Variants in NECTIN1 observed in about 807,000 individuals in gnomAD.
NECTIN1 encodes nectin-1.
Under a neutral mutation model 48.0 loss-of-function variants are expected in NECTIN1, and 23 were observed. The ratio of observed to expected loss-of-function variants is 0.48; its 90% confidence interval spans 0.34 to 0.68. The LOEUF is 0.68. Ranked by LOEUF, NECTIN1 falls within the 30% of genes least tolerant of loss-of-function variation. The probability of loss-of-function intolerance (pLI) is 0.01; values close to 1 mark genes in which losing one functional copy is unlikely to be tolerated. For synonymous variants in NECTIN1, 270 were observed against 288.9 expected, an observed-to-expected ratio of 0.93 and a Z score of 0.66; for missense variants, 591 against 709.9, an observed-to-expected ratio of 0.83 and a Z score of 1.90.
At chr11:119,641,036 A>ACTCC (rs1864316137) in intron 5 of NECTIN1, 1 of 150,604 alleles carries the variant, frequency 6.6e-6, no homozygotes, top group Non-Finnish European at 1.5e-5. Flanking sequence ...TTACTCACTC[A>ACTCC]CTCCCTCCTC....
Position 119,665,141 on chromosome 11 carries a change from C to T in NECTIN1, c.1160G>A (p.Gly387Asp), listed in dbSNP as rs774224721. The T allele has an allele frequency of 3.7e-6, 6 of 1,613,816 alleles. No individual in the cohort carries two copies. The highest frequency in any genetic ancestry group is 1.7e-6 in the Non-Finnish European group (2 of 1,180,006). Residue 387 changes from glycine (G) to aspartate (D), a missense_variant, in exon 6 of 6, where the codon GGT (glycine) becomes GAT (aspartate). Transcript: ENST00000264025. This position sits in a 1 kb window ranked among gnomAD's most constrained non-coding sequence, Gnocchi z 5.1. Reference protein sequence around the residue: ...ALRRRRHTFKGDYSTKKHVYG... With the variant: ...ALRRRRHTFKDDYSTKKHVYG... ...CACGTGCTTCTTGGTGCTGTAGTCA[C>T]CCTTGAAGGTGTGCCGGCGCCGACG...
At chr11:119,641,362 C>T (rs1264906298) in intron 5 of NECTIN1, 2 of 152,264 alleles carry the variant, frequency 1.3e-5, no homozygotes, top group East Asian at 3.9e-4. Flanking sequence ...CAAATCAGAT[C>T]AGGCCACCTC....
intron 1 of NECTIN1, among the ~76,000 whole-genome samples, chr11:119,701,264 C>T (rs150692821): frequency 1.3e-4 from 20 of 152,292 alleles, no homozygotes; most frequent in African/African-American, 4.6e-4. Context: ...TGAAAGAACT[C>T]AGAACCTTCC....
chr11:119,716,850 A>ACT (rs920556673), intron 1 of NECTIN1, among the ~76,000 whole-genome samples: 3 of 152,190 alleles, frequency 2.0e-5, no homozygotes, highest in African/African-American at 7.2e-5. Context: ...GCGCGTGCAC[A>ACT]CGCGCGCGCA....
chr11:119,665,111 C>G lies in NECTIN1; in HGVS notation c.1190G>C (p.Gly397Ala). 1 of 1,614,046 alleles carries G rather than the reference C, an allele frequency of 6.2e-7. No homozygotes were observed. The highest frequency in any genetic ancestry group is 8.5e-7 in the Non-Finnish European group (1 of 1,180,000). The change falls in exon 6 of 6, where the codon GGC (glycine) becomes GCC (alanine). Residue 397 changes from glycine to alanine, a missense_variant. Physicochemically the swap from Gly to Ala is moderately conservative, Grantham distance 60 (BLOSUM62 0). Transcript: ENST00000264025. This position sits in a 1 kb window ranked among gnomAD's most constrained non-coding sequence, Gnocchi z 5.1. ...GATGCCTGCCTTGCTGTAGCCGTTGCCATACACGTGCTTCTTGGTGCTGTA... is the reference window on the plus strand; with the variant it reads ...GATGCCTGCCTTGCTGTAGCCGTTGGCATACACGTGCTTCTTGGTGCTGTA... ...GDYSTKKHVY[G>A]NGYSKAGIPQ...
At chr11:119,657,920 CAAAAA>C (rs61352311), downstream of NECTIN1, among the ~76,000 whole-genome samples, 2 of 78,272 alleles carry the variant, frequency 2.6e-5, no homozygotes, top group Non-Finnish European at 4.8e-5. Context: ...GACCCCGTCT[CAAAAA>C]AAAAAAAAAA....
intron 5 of NECTIN1, among the ~76,000 whole-genome samples, chr11:119,651,878 C>T (rs537705287): frequency 2.7e-4 from 41 of 152,212 alleles, no homozygotes; most frequent in African/African-American, 6.5e-4. Flanking sequence ...GGCCACTAGG[C>T]GCCCATCTTC....
Position 119,678,854 on chromosome 11 carries a change from T to C in NECTIN1, c.80-89A>G, listed in dbSNP as rs1865010839. 7.1e-6 allele frequency: 6 copies of C among 839,762 alleles called. No homozygotes were observed. Among genetic ancestry groups the C allele is most frequent in the Middle Eastern group, 2.9e-4 (1 of 3,392 alleles). 52.0% of individuals were successfully genotyped at this position (839,762 alleles called of 1,614,324 possible). ...CCCTGTGCTCTGGCCTTGTCTTTTATAGCAGTCATTATTGTTTTTATTCCG... is the reference window on the plus strand; with the variant it reads ...CCCTGTGCTCTGGCCTTGTCTTTTACAGCAGTCATTATTGTTTTTATTCCG... On this transcript the variant is annotated intron_variant, in intron 1 of 5. Transcript: ENST00000264025. The surrounding 1 kb of genome is among the most constrained non-coding windows in gnomAD (Gnocchi z 4.4).
intron 1 of NECTIN1, among the ~76,000 whole-genome samples, chr11:119,699,773 G>T (rs543854383): frequency 1.3e-5 from 2 of 152,276 alleles, no homozygotes; most frequent in South Asian, 2.1e-4. Context: ...GTGGCATTCG[G>T]GGTTGCCAAG....
At chr11:119,694,643 T>C (rs1865312290) in intron 1 of NECTIN1, among the ~76,000 whole-genome samples, 1 of 152,230 alleles carries the variant, frequency 6.6e-6, no homozygotes, top group Non-Finnish European at 1.5e-5. Context: ...GGCAACACGT[T>C]TGCTCTTTGA....
intron 5 of NECTIN1, among the ~76,000 whole-genome samples, chr11:119,645,573 C>A (rs1178327971): frequency 6.6e-6 from 1 of 152,184 alleles, no homozygotes; most frequent in Non-Finnish European, 1.5e-5. Context: ...GCGTCAGCAT[C>A]CAGGCTAAGC....
intron 1 of NECTIN1, among the ~76,000 whole-genome samples, chr11:119,695,030 G>C (rs1398134917): frequency 6.6e-6 from 1 of 152,072 alleles, no homozygotes; most frequent in South Asian, 2.1e-4. Flanking sequence ...TGGAATCACA[G>C]TACTGAAAAT....
intron 5 of NECTIN1, among the ~76,000 whole-genome samples, chr11:119,668,938 T>C (rs1864821774): frequency 6.6e-6 from 1 of 152,190 alleles, no homozygotes; most frequent in Admixed American, 6.5e-5. Context: ...AGCTCACTAT[T>C]GTTACATTTG....
At position 119,664,646 on chromosome 11, in the gene NECTIN1, GTC is replaced by G; in HGVS notation, c.*99_*100del. On this transcript the variant is annotated 3_prime_UTR_variant, in exon 6 of 6. Transcript: ENST00000264025. ...GGGCTGGCTTTGGGCAGCTGGGCAA[GTC>G]TCTGTTCAGCTCCTGGAGTGGGAGG... 1 of 1,446,552 alleles carries G rather than the reference GTC, an allele frequency of 6.9e-7. No individual in the cohort carries two copies. The highest frequency in any genetic ancestry group is 9.1e-7 in the Non-Finnish European group (1 of 1,097,712). The allele number at this position is 1,446,552 out of a possible 1,614,324, so 89.6% of individuals were successfully genotyped here.
At chr11:119,655,185 AC>A (rs1351945722) in intron 5 of NECTIN1, among the ~76,000 whole-genome samples, 2 of 150,920 alleles carry the variant, frequency 1.3e-5, no homozygotes, top group Non-Finnish European at 2.9e-5. Context: ...TGCTGGGATT[AC>A]AGGCGTGAGC....
chr11:119,726,106 C>A (rs1001125036), intron 1 of NECTIN1, among the ~76,000 whole-genome samples: 1 of 152,188 alleles, frequency 6.6e-6, no homozygotes, highest in African/African-American at 2.4e-5. Context: ...GGGGCAATCA[C>A]ACACACTCCA....
chr11:119,666,178 C>T (rs1445298921), intron 5 of NECTIN1, among the ~76,000 whole-genome samples: 2 of 152,282 alleles, frequency 1.3e-5, no homozygotes, highest in East Asian at 1.9e-4. Flanking sequence ...GTGGCAATGT[C>T]GAGTACACAC....
intron 5 of NECTIN1, 84 bp downstream of exon 5, chr11:119,675,075 C>A: frequency 6.8e-7 from 1 of 1,468,174 alleles, no homozygotes; most frequent in Non-Finnish European, 9.5e-7. Flanking sequence ...AATCTTCCTG[C>A]AGTGGCATTG....
At chr11:119,689,227 T>G (rs1186289054) in intron 1 of NECTIN1, among the ~76,000 whole-genome samples, 1 of 152,236 alleles carries the variant, frequency 6.6e-6, no homozygotes, top group African/African-American at 2.4e-5. Context: ...CCGTTTGCGC[T>G]CCTCACCCTG....
Sources: gnomAD v4.1 joint callset for allele counts (sites outside exome capture counted in the v4.1 genomes callset) on GRCh38, gnomAD v4.1.1 for gene constraint, Gnocchi (gnomAD v3.1) non-coding constraint, MANE v1.5 for transcripts, NCBI Gene and HGNC (gene_info 2026-07-23, HGNC 2026-07-21) for gene names.